The following PIP4K2A variants were observed in gnomAD, a reference collection of about 807,000 sequenced individuals.
PIP4K2A encodes the protein phosphatidylinositol-5-phosphate 4-kinase type 2 alpha.
A neutral mutation model predicts 42.9 loss-of-function variants in PIP4K2A; 14 were observed. That is an observed-to-expected ratio of 0.33 (90% CI 0.22 to 0.51). PIP4K2A has a LOEUF of 0.51. Ranked by LOEUF, PIP4K2A falls within the 20% of genes least tolerant of loss-of-function variation. The pLI, the probability that PIP4K2A is intolerant of heterozygous loss-of-function variation, is 0.97. For missense variants in PIP4K2A, 434 were observed against 519.8 expected, an observed-to-expected ratio of 0.83 and a Z score of 1.61; for synonymous variants, 192 against 192.2, an observed-to-expected ratio of 1.00 and a Z score of 0.01.
intron 1 of PIP4K2A, among the ~76,000 whole-genome samples, chr10:22,685,554 A>C (rs1015174009): frequency 6.6e-6 from 1 of 152,022 alleles, no homozygotes; most frequent in Non-Finnish European, 1.5e-5. Context: ...AACAAACAAA[A>C]ACTTTAAAAA....
At position 22,632,502 on chromosome 10, in the gene PIP4K2A, C is replaced by A. The variant is rs117755025; in HGVS notation, c.145-22785G>T. ...ACTAAAGTTGACAAGTTGGTGTTAG[C>A]TGGATTTGTCATTTTTATGCCACAA... On this transcript the variant is annotated intron_variant, in intron 1 of 9. Coordinates refer to ENST00000376573, the MANE Select transcript of PIP4K2A (RefSeq NM_005028.5). Among the ~76,000 whole-genome samples the A allele has an allele frequency of 2.0e-3, 297 of 152,288 alleles. 1 individual carries two copies. Among genetic ancestry groups the A allele is most frequent in the Non-Finnish European group, 3.3e-3 (227 of 68,022 alleles).
At chr10:22,688,390 C>G (rs555144701) in intron 1 of PIP4K2A, among the ~76,000 whole-genome samples, 1 of 152,186 alleles carries the variant, frequency 6.6e-6, no homozygotes, top group Non-Finnish European at 1.5e-5. Flanking sequence ...AATTTCCTTA[C>G]GTGGTTCTTT....
intron 6 of PIP4K2A, among the ~76,000 whole-genome samples, chr10:22,553,455 A>G (rs1836459524): frequency 6.6e-6 from 1 of 152,220 alleles, no homozygotes; most frequent in Non-Finnish European, 1.5e-5. Context: ...AGCCTTAGGT[A>G]ACCTGCTTAG....
intron 1 of PIP4K2A, among the ~76,000 whole-genome samples, chr10:22,621,864 C>T (rs979182654): frequency 6.6e-6 from 1 of 152,212 alleles, no homozygotes; most frequent in Admixed American, 6.5e-5. Flanking sequence ...TTCTGTTACA[C>T]CAGAACTTTT....
At chr10:22,666,017 C>T (rs1240839364) in intron 1 of PIP4K2A, among the ~76,000 whole-genome samples, 1 of 152,018 alleles carries the variant, frequency 6.6e-6, no homozygotes, top group African/African-American at 2.4e-5. Context: ...ACAACATTCT[C>T]TACAATGTCT....
intron 6 of PIP4K2A, among the ~76,000 whole-genome samples, chr10:22,556,681 T>C (rs574111715): frequency 6.6e-6 from 1 of 152,264 alleles, no homozygotes; most frequent in Non-Finnish European, 1.5e-5. Flanking sequence ...GAAATCTTAG[T>C]AGCCAGAAAA....
intron 7 of PIP4K2A, among the ~76,000 whole-genome samples, chr10:22,548,634 A>G (rs1836314234): frequency 6.6e-6 from 1 of 152,214 alleles, no homozygotes; most frequent in Admixed American, 6.5e-5. Context: ...ATGCTTAACT[A>G]ATACATTTTA....
chr10:22,561,987 A>C (rs1449378190), intron 6 of PIP4K2A, among the ~76,000 whole-genome samples: 3 of 152,200 alleles, frequency 2.0e-5, no homozygotes, highest in South Asian at 2.1e-4. Flanking sequence ...AAATGTAGTA[A>C]GTGTTTTTAG....
intron 1 of PIP4K2A, among the ~76,000 whole-genome samples, chr10:22,644,852 C>T (rs1293122095): frequency 6.6e-6 from 1 of 152,158 alleles, no homozygotes; most frequent in African/African-American, 2.4e-5. Flanking sequence ...CTAAATGAAC[C>T]AACCAAGTCA....
intron 1 of PIP4K2A, among the ~76,000 whole-genome samples, chr10:22,698,184 T>G (rs1840008416): frequency 2.0e-5 from 3 of 152,196 alleles, no homozygotes. Context: ...ACTCCCACAC[T>G]GCCCATGTGC....
At chr10:22,637,419 C>T (rs1191128064) in intron 1 of PIP4K2A, among the ~76,000 whole-genome samples, 1 of 152,182 alleles carries the variant, frequency 6.6e-6, no homozygotes, top group Non-Finnish European at 1.5e-5. Context: ...TTACTTTTAG[C>T]ATCAAGACCA....
At chr10:22,573,802 T>G (rs1471511234) in intron 4 of PIP4K2A, among the ~76,000 whole-genome samples, 1 of 152,272 alleles carries the variant, frequency 6.6e-6, no homozygotes, top group East Asian at 1.9e-4. Context: ...CTAGCGCCTC[T>G]GTCTTCTACC....
chr10:22,537,804 C>T (rs1290181174), intron 9 of PIP4K2A, among the ~76,000 whole-genome samples: 1 of 152,218 alleles, frequency 6.6e-6, no homozygotes, highest in Non-Finnish European at 1.5e-5. Flanking sequence ...ACAGCAGCAG[C>T]CACAGGTTCT....
intron 7 of PIP4K2A, among the ~76,000 whole-genome samples, chr10:22,548,643 T>C (rs568195231): frequency 1.3e-5 from 2 of 152,330 alleles, no homozygotes; most frequent in East Asian, 3.8e-4. Flanking sequence ...TAATACATTT[T>C]ATTAGTAACC....
At chr10:22,587,456 A>C (rs1038142161) in intron 4 of PIP4K2A, among the ~76,000 whole-genome samples, 21 of 152,228 alleles carry the variant, frequency 1.4e-4, no homozygotes, top group African/African-American at 5.1e-4. Context: ...TCACTACTGA[A>C]GCTAGAGAGA....
chr10:22,674,118 A>G (rs759364427), intron 1 of PIP4K2A, among the ~76,000 whole-genome samples: 2 of 152,114 alleles, frequency 1.3e-5, no homozygotes, highest in Non-Finnish European at 2.9e-5. Context: ...ATTTGGTGTC[A>G]TATCTATTTC....
chr10:22,592,973 G>C (rs1837547655), intron 3 of PIP4K2A, among the ~76,000 whole-genome samples: 1 of 152,248 alleles, frequency 6.6e-6, no homozygotes, highest in Non-Finnish European at 1.5e-5. Flanking sequence ...CAGAGGGGCA[G>C]GTGATAGATA....
At chr10:22,589,907 T>C (rs113520018) in intron 4 of PIP4K2A, among the ~76,000 whole-genome samples, 1,893 of 152,312 alleles carry the variant, frequency 0.012, 50 homozygotes, top group African/African-American at 0.044. Context: ...GACTCTGCTA[T>C]GAATGGAAAG....
chr10:22,664,120 T>TATATATAC (rs2130840958), intron 1 of PIP4K2A, among the ~76,000 whole-genome samples: 2 of 69,606 alleles, frequency 2.9e-5, no homozygotes, highest in South Asian at 3.2e-4. Context: ...TATATACATA[T>TATATATAC]ATATATATAC....
Sources: allele counts gnomAD v4.1 joint callset (sites outside exome capture counted in the v4.1 genomes callset), GRCh38; gene constraint gnomAD v4.1.1; transcripts MANE v1.5; gene names NCBI Gene and HGNC (gene_info 2026-07-23, HGNC 2026-07-21).